PTPRF: variants seen among roughly 807,000 people sequenced by gnomAD.
The protein encoded by PTPRF is protein tyrosine phosphatase receptor type F.
PTPRF carries 59 observed loss-of-function variants against 201.8 expected under a neutral mutation model. That is an observed-to-expected ratio of 0.29 (90% CI 0.24 to 0.36). The LOEUF is 0.36. PTPRF is among the 10% of genes least tolerant of loss of function. The probability of loss-of-function intolerance (pLI) is 1.00; values close to 1 mark genes in which losing one functional copy is unlikely to be tolerated. For synonymous variants in PTPRF, 1,088 were observed against 1,089.7 expected (o/e 1.00, Z 0.03); for missense variants, 2,132 against 2,690.5 (o/e 0.79, Z 4.59).
Position 43,569,787 on chromosome 1 carries a change from A to G in PTPRF, c.568+9A>G. ...CAAGCAGCTGCGTTCAGGTGAGCAGAGGGCAGGGGTCAAGGGGCCATGCAG... is the reference window on the plus strand; with the variant it reads ...CAAGCAGCTGCGTTCAGGTGAGCAGGGGGCAGGGGTCAAGGGGCCATGCAG... On this transcript the variant is annotated intron_variant, in intron 6 of 33. Coordinates refer to ENST00000359947, the MANE Select transcript of PTPRF (RefSeq NM_002840.5). 1 of 1,603,022 alleles carries G rather than the reference A, an allele frequency of 6.2e-7. No individual in the cohort carries two copies. Among genetic ancestry groups the G allele is most frequent in the South Asian group, 1.1e-5 (1 of 89,588 alleles).
chr1:43,549,614 G>A (rs1205483487), intron 3 of PTPRF, among the ~76,000 whole-genome samples: 1 of 152,186 alleles, frequency 6.6e-6, no homozygotes, highest in African/African-American at 2.4e-5. Flanking sequence ...CAACACTTTG[G>A]GAGGCCAAGG....
At chr1:43,619,944 C>T in intron 29 of PTPRF, 86 bp downstream of exon 29, 2 of 1,568,084 alleles carry the variant, frequency 1.3e-6, no homozygotes, top group Non-Finnish European at 1.7e-6. Flanking sequence ...AGAGTAGGGC[C>T]AGCCTAGAAG....
chr1:43,600,046 C>G (rs1214509394), intron 13 of PTPRF, among the ~76,000 whole-genome samples: 1 of 152,204 alleles, frequency 6.6e-6, no homozygotes, highest in Non-Finnish European at 1.5e-5. Flanking sequence ...ATTCCTCCAG[C>G]TGGGCTCAGC....
rs1371784504 is a variant in PTPRF at position 43,554,713 on chromosome 1, C to G, written c.379+772C>G. Among the ~76,000 whole-genome samples the G allele has an allele frequency of 6.6e-6, 1 of 152,134 alleles. No individual in the cohort carries two copies. The highest frequency in any genetic ancestry group is 2.4e-5 in the African/African-American group (1 of 41,438). On this transcript the variant is annotated intron_variant, in intron 5 of 33. Transcript: ENST00000359947. This position sits in a 1 kb window ranked among gnomAD's most constrained non-coding sequence, Gnocchi z 4.1. ...GATCTGGCTGAGAAATGAACACTCT[C>G]CTAGGGACATAGGAAGCCACAAACA...
intron 1 of PTPRF, among the ~76,000 whole-genome samples, chr1:43,532,228 C>T (rs189664258): frequency 7.2e-5 from 11 of 152,154 alleles, no homozygotes; most frequent in Non-Finnish European, 1.2e-4. Flanking sequence ...TCTTCCACCC[C>T]GGAGGGGGAG....
At chr1:43,597,403 A>T (rs1367685295) in intron 11 of PTPRF, among the ~76,000 whole-genome samples, 1 of 152,008 alleles carries the variant, frequency 6.6e-6, no homozygotes, top group Non-Finnish European at 1.5e-5. Flanking sequence ...TATGTATGAG[A>T]CACCCTGTGT....
At chr1:43,573,504 G>A (rs1269624748) in intron 6 of PTPRF, among the ~76,000 whole-genome samples, 3 of 152,220 alleles carry the variant, frequency 2.0e-5, no homozygotes, top group African/African-American at 4.8e-5. Flanking sequence ...TGGGTGGGAC[G>A]CAGAGGGCTT....
chr1:43,622,054 C>G lies in PTPRF; in HGVS notation c.*51C>G. ...CCCCGCCGTGGGGCTCCGGAGGGGA[C>G]CCAGCTCCTCTGAGCCATACCGACC... On this transcript the variant is annotated 3_prime_UTR_variant, in exon 34 of 34. Coordinates refer to ENST00000359947, the MANE Select transcript of PTPRF (RefSeq NM_002840.5). The G allele has an allele frequency of 3.2e-6, 5 of 1,569,112 alleles. No individual in the cohort carries two copies. Among genetic ancestry groups the G allele is most frequent in the Non-Finnish European group, 4.4e-6 (5 of 1,140,094 alleles).
chr1:43,592,055 C>A, intron 10 of PTPRF, 107 bp downstream of exon 10: 1 of 1,491,904 alleles, frequency 6.7e-7, no homozygotes, highest in Non-Finnish European at 9.2e-7. Flanking sequence ...TATGTGGGCA[C>A]AGCCTCTAAG....
intron 22 of PTPRF, chr1:43,613,006 C>A: frequency 2.6e-6 from 1 of 382,026 alleles, no homozygotes; most frequent in African/African-American, 2.1e-5. Flanking sequence ...GGCCTGTTTT[C>A]TCTCCCACCG....
intron 31 of PTPRF, 65 bp from the exon 32 acceptor site, chr1:43,620,773 C>G (rs1487444284): frequency 1.3e-6 from 2 of 1,569,150 alleles, no homozygotes; most frequent in East Asian, 4.5e-5. Context: ...CTACCCTGGT[C>G]TAGTCCAGAG....
rs138441028 is a variant in PTPRF at position 43,621,166 on chromosome 1, C to T, written c.5589C>T (p.Gly1863=). 1.9e-5 allele frequency: 30 copies of T among 1,614,158 alleles called. No homozygotes were observed. Among genetic ancestry groups the T allele is most frequent in the African/African-American group, 1.1e-4 (8 of 75,066 alleles). Residue 1863 remains glycine (G), a synonymous_variant, in exon 33 of 34, where the codon GGC becomes GGT. Transcript: ENST00000359947. ...TCCTGGAGCGCATGCGCTACGAGGG[C>T]GTGGTCGACATGTTTCAGACCGTGA... ...SIVLERMRYE[G]VVDMFQTVKT...
At chr1:43,590,890 A>T (rs1650503599) in intron 8 of PTPRF, 82 bp from the exon 9 acceptor site, 1 of 1,299,166 alleles carries the variant, frequency 7.7e-7, no homozygotes, top group African/African-American at 1.5e-5. Context: ...CCCACCAGAT[A>T]TCCTGGATAA....
chr1:43,569,974 C>T (rs1646459567), intron 6 of PTPRF, among the ~76,000 whole-genome samples, 196 bp downstream of exon 6: 1 of 152,178 alleles, frequency 6.6e-6, no homozygotes, highest in East Asian at 1.9e-4. Context: ...CCGTTACCTT[C>T]TTCGGATTGT....
At chr1:43,582,310 G>C (rs1175901280) in intron 7 of PTPRF, among the ~76,000 whole-genome samples, 1 of 152,236 alleles carries the variant, frequency 6.6e-6, no homozygotes, top group African/African-American at 2.4e-5. Flanking sequence ...ATAGCACTGT[G>C]GGGGGATGTG....
In PTPRF at chr1:43,574,596, T is replaced by A. The variant is rs74070618; in HGVS notation, c.569-4214T>A. Among the ~76,000 whole-genome samples the A allele has an allele frequency of 4.5e-3, 689 of 152,354 alleles. 3 individuals carry two copies. Among genetic ancestry groups the A allele is most frequent in the African/African-American group, 0.016 (655 of 41,578 alleles). The stretch of plus-strand genomic sequence containing the variant: ...ACATGTCATGTAGCCTCTGAAAAAC[T>A]CTACGTTCATGAGAGAAAGTGTATA... On this transcript the variant is annotated intron_variant, in intron 6 of 33. Coordinates refer to ENST00000359947, the MANE Select transcript of PTPRF (RefSeq NM_002840.5).
At chr1:43,590,110 C>T (rs11210881) in intron 8 of PTPRF, among the ~76,000 whole-genome samples, 16,499 of 152,182 alleles carry the variant, frequency 0.11, 1,084 homozygotes, top group African/African-American at 0.18. Flanking sequence ...GCCAGCTGTC[C>T]AGACACATGC....
chr1:43,613,159 T>TCCGGC, intron 22 of PTPRF: 4 of 242,228 alleles, frequency 1.7e-5, no homozygotes, highest in Non-Finnish European at 3.3e-5. Flanking sequence ...CTGTACTTCA[T>TCCGGC]GACCACTCCA....
chr1:43,549,928 C>T (rs1010457532), intron 3 of PTPRF, among the ~76,000 whole-genome samples: 3 of 151,872 alleles, frequency 2.0e-5, no homozygotes, highest in East Asian at 3.9e-4. Context: ...CAGAGGGGAA[C>T]GGAGAGAGGA....
Sources: allele counts gnomAD v4.1 joint callset (sites outside exome capture counted in the v4.1 genomes callset), GRCh38; gene constraint gnomAD v4.1.1; non-coding constraint Gnocchi (gnomAD v3.1); transcripts MANE v1.5; gene names NCBI Gene and HGNC (gene_info 2026-07-23, HGNC 2026-07-21).